ERC2: variants seen among roughly 807,000 people sequenced by gnomAD.
The protein encoded by ERC2 is ERC protein 2.
A neutral mutation model predicts 114.8 loss-of-function variants in ERC2; 42 were observed. The observed-to-expected ratio is 0.37, with a 90% CI of 0.29 to 0.47. The LOEUF (loss-of-function observed/expected upper bound fraction) is 0.47, where lower values mean the gene tolerates loss of function less well. ERC2 is among the 20% of genes least tolerant of loss of function. ERC2 has a pLI of 0.99. For missense variants in ERC2, 939 were observed against 1,150.7 expected (o/e 0.82, Z 2.66); for synonymous variants, 454 against 425.5 (o/e 1.07, Z -0.82).
intron 13 of ERC2, among the ~76,000 whole-genome samples, chr3:55,924,594 G>A (rs906085661): frequency 2.0e-5 from 3 of 152,044 alleles, no homozygotes; most frequent in Non-Finnish European, 4.4e-5. Flanking sequence ...ATAGCTGAAT[G>A]AAGACCTGGC....
chr3:55,789,577 G>A (rs2069810604), intron 14 of ERC2, among the ~76,000 whole-genome samples: 1 of 152,182 alleles, frequency 6.6e-6, no homozygotes, highest in Admixed American at 6.5e-5. Context: ...ACCATTAAGT[G>A]CAAATGAAAG....
chr3:56,373,277 T>G (rs2059420926), intron 2 of ERC2, among the ~76,000 whole-genome samples: 1 of 152,198 alleles, frequency 6.6e-6, no homozygotes, highest in South Asian at 2.1e-4. Flanking sequence ...AGGCCGATAT[T>G]CACCAAAAAA....
At chr3:56,267,074 T>C (rs2053358646) in intron 3 of ERC2, among the ~76,000 whole-genome samples, 1 of 152,192 alleles carries the variant, frequency 6.6e-6, no homozygotes, top group Non-Finnish European at 1.5e-5. Flanking sequence ...CTGATTTTTT[T>C]TTCAGGTTTT....
chr3:55,803,879 C>A (rs2059394961), intron 14 of ERC2, among the ~76,000 whole-genome samples: 1 of 152,138 alleles, frequency 6.6e-6, no homozygotes, highest in South Asian at 2.1e-4. Flanking sequence ...AAACCTGACA[C>A]TTCAGTCCCC....
intron 3 of ERC2, among the ~76,000 whole-genome samples, chr3:56,272,016 TATAATC>T (rs1560498885): frequency 6.6e-6 from 1 of 152,218 alleles, no homozygotes; most frequent in East Asian, 1.9e-4. Flanking sequence ...CATTATTATA[TATAATC>T]ATAAAGTTTA....
chr3:55,633,386 T>G (rs1305605346), intron 17 of ERC2, among the ~76,000 whole-genome samples: 7 of 152,204 alleles, frequency 4.6e-5, no homozygotes, highest in Admixed American at 4.6e-4. Context: ...TCTGGAGGGA[T>G]GACTCCCTCA....
At chr3:56,075,365 G>C (rs561073713) in intron 7 of ERC2, among the ~76,000 whole-genome samples, 9 of 152,268 alleles carry the variant, frequency 5.9e-5, no homozygotes, top group Non-Finnish European at 1.3e-4. Flanking sequence ...CAGCTGACCA[G>C]ACACTCCTGG....
intron 3 of ERC2, among the ~76,000 whole-genome samples, chr3:56,245,568 TA>T (rs1660573083): frequency 1.3e-5 from 2 of 151,826 alleles, no homozygotes; most frequent in Admixed American, 6.6e-5. Context: ...ATATGATTAT[TA>T]TTTTTTTTTT....
At chr3:55,877,394 G>A (rs1314481535) in intron 14 of ERC2, among the ~76,000 whole-genome samples, 1 of 152,168 alleles carries the variant, frequency 6.6e-6, no homozygotes, top group Non-Finnish European at 1.5e-5. Context: ...AGGCGTGCCT[G>A]GGCTTAACCA....
At chr3:55,706,288 C>T (rs754604559) in intron 15 of ERC2, among the ~76,000 whole-genome samples, 2 of 152,290 alleles carry the variant, frequency 1.3e-5, no homozygotes, top group Non-Finnish European at 2.9e-5. Flanking sequence ...TATCACTGCC[C>T]CATTCTCTCA....
At chr3:55,567,732 TC>T (rs2056462746) in intron 17 of ERC2, among the ~76,000 whole-genome samples, 1 of 152,098 alleles carries the variant, frequency 6.6e-6, no homozygotes, top group East Asian at 1.9e-4. Context: ...GAAGGAGATT[TC>T]CCAGTGGCCA....
chr3:55,851,188 T>TTTTTTTTG (rs1427189122), intron 14 of ERC2, among the ~76,000 whole-genome samples: 13 of 148,062 alleles, frequency 8.8e-5, no homozygotes, highest in African/African-American at 3.2e-4. Context: ...ATGATTTTTT[T>TTTTTTTTG]AAGCCCATGC....
chr3:56,316,936 C>T (rs1419434361), intron 2 of ERC2, among the ~76,000 whole-genome samples: 3 of 152,204 alleles, frequency 2.0e-5, no homozygotes, highest in Non-Finnish European at 4.4e-5. Flanking sequence ...TCTGCCACAA[C>T]CATTCACAGG....
chr3:56,041,372 T>C (rs2075182855), intron 7 of ERC2, among the ~76,000 whole-genome samples: 1 of 152,092 alleles, frequency 6.6e-6, no homozygotes, highest in Non-Finnish European at 1.5e-5. Context: ...GGGCTGGTGA[T>C]AGATTGAGCT....
intron 3 of ERC2, among the ~76,000 whole-genome samples, chr3:56,285,121 C>T (rs894167064): frequency 6.9e-6 from 1 of 145,730 alleles, no homozygotes; most frequent in Admixed American, 6.9e-5. Flanking sequence ...CTCCCCCCAG[C>T]ACATCTGCTT....
chr3:56,011,563 T>C (rs2072938989), intron 8 of ERC2, among the ~76,000 whole-genome samples: 1 of 151,946 alleles, frequency 6.6e-6, no homozygotes, highest in Non-Finnish European at 1.5e-5. Flanking sequence ...AGACTTGTTT[T>C]CCAAAAATAG....
chr3:56,058,082 A>G (rs2076090267), intron 7 of ERC2, among the ~76,000 whole-genome samples: 1 of 152,238 alleles, frequency 6.6e-6, no homozygotes, highest in Non-Finnish European at 1.5e-5. Context: ...AATTCATATT[A>G]CAAATTTCTG....
chr3:56,234,292 C>T (rs2050804673), intron 3 of ERC2, among the ~76,000 whole-genome samples: 1 of 152,170 alleles, frequency 6.6e-6, no homozygotes, highest in Non-Finnish European at 1.5e-5. Context: ...CAATCCAAAG[C>T]AACTGCCTTA....
At chr3:55,745,993 C>G (rs1168564125) in intron 14 of ERC2, among the ~76,000 whole-genome samples, 1 of 152,210 alleles carries the variant, frequency 6.6e-6, no homozygotes, top group Non-Finnish European at 1.5e-5. Context: ...TTGCACAGAG[C>G]AGCAAATTGT....
Sources: allele counts gnomAD v4.1 joint callset (sites outside exome capture counted in the v4.1 genomes callset), GRCh38; gene constraint gnomAD v4.1.1; transcripts MANE v1.5; gene names NCBI Gene and HGNC (gene_info 2026-07-23, HGNC 2026-07-21).